The following PRAME variants were observed in gnomAD, a reference collection of about 807,000 sequenced individuals.
PRAME encodes the protein PRAME nuclear receptor transcriptional regulator.
A neutral mutation model predicts 32.1 loss-of-function variants in PRAME; 21 were observed. The observed-to-expected ratio is 0.65, with a 90% CI of 0.46 to 0.94. PRAME has a LOEUF of 0.94. PRAME is among the 40% of genes least tolerant of loss of function. The pLI is 0.00. For synonymous variants in PRAME, 274 were observed against 251.5 expected (o/e 1.09, Z -0.85); for missense variants, 651 against 622.3 (o/e 1.05, Z -0.49).
chr22:22,550,184 G>T lies in PRAME; in HGVS notation c.495C>A (p.Ser165Arg), dbSNP rs1474803255. Reference protein sequence around the residue: ...MTKKRKVDGLSTEAEQPFIPV... With the variant: ...MTKKRKVDGLRTEAEQPFIPV... ...GAATGAAGGGCTGCTCTGCCTCTGT[G>T]CTCAAACCATCTACTTTTCGCTTCT... Residue 165 changes from serine (S) to arginine (R), a missense_variant, in exon 5 of 6, where the codon AGC (serine) becomes AGA (arginine). Physicochemically the swap from Ser to Arg is moderately radical, Grantham distance 110. Coordinates refer to ENST00000405655, the MANE Select transcript of PRAME (RefSeq NM_206956.3). 6.2e-7 allele frequency: 1 copy of T among 1,613,694 alleles called. No homozygotes were observed. Among genetic ancestry groups the T allele is most frequent in the African/African-American group, 1.3e-5 (1 of 74,836 alleles).
intron 3 of PRAME, chr22:22,554,344 G>T (rs114207638): frequency 5.5e-6 from 4 of 733,426 alleles, no homozygotes; most frequent in Non-Finnish European, 6.7e-6. Context: ...GCTGTAATTC[G>T]TTGAAGGATG....
chr22:22,558,666 G>A (rs1382766934), intron 1 of PRAME, among the ~76,000 whole-genome samples: 4 of 142,380 alleles, frequency 2.8e-5, no homozygotes, highest in Admixed American at 7.0e-5. Context: ...TGCGGTGGGC[G>A]AATGGAGAGG....
At position 22,550,784 on chromosome 22, in the gene PRAME, G is replaced by A; in HGVS notation, c.327C>T (p.Ala109=). ...AVLDGLDVLL[A]QEVRPRRWKL... is the part of the protein sequence containing the mutation. ...ACCCTTACCTGGGGCGAACCTCCTG[G>A]GCAAGGAGCACATCAAGTCCATCAA... Residue 109 remains alanine, a synonymous_variant, in exon 4 of 6, where the codon GCC becomes GCT. Coordinates refer to ENST00000405655, the MANE Select transcript of PRAME (RefSeq NM_206956.3). 6.3e-7 allele frequency: 1 copy of A among 1,589,416 alleles called. No individual in the cohort carries two copies.
chr22:22,556,538 C>A (rs1028392213), intron 3 of PRAME, among the ~76,000 whole-genome samples: 7 of 151,812 alleles, frequency 4.6e-5, no homozygotes, highest in African/African-American at 9.7e-5. Flanking sequence ...GTCTCAATCT[C>A]CTGACCTGGT....
chr22:22,551,112 A>G lies in PRAME; in HGVS notation c.22-23T>C, dbSNP rs1261282406. Reference sequence around the variant, plus strand: ...ACCCTGAGGAAACATACAGGGAACAAGGCATCCCTTTCAGCCCAAGCATAA... The same window carrying G: ...ACCCTGAGGAAACATACAGGGAACAGGGCATCCCTTTCAGCCCAAGCATAA... On this transcript the variant is annotated intron_variant, in intron 3 of 5. Coordinates refer to ENST00000405655, the MANE Select transcript of PRAME (RefSeq NM_206956.3). The G allele has an allele frequency of 2.0e-6, 3 of 1,534,268 alleles. No homozygotes were observed. In the East Asian group the frequency reaches 6.9e-5, roughly 35 times the overall value.
At chr22:22,554,737 A>G (rs973205649) in intron 3 of PRAME, among the ~76,000 whole-genome samples, 1 of 151,918 alleles carries the variant, frequency 6.6e-6, no homozygotes, top group Non-Finnish European at 1.5e-5. Context: ...GTTTAGAAAG[A>G]GTTTCATTTC....
intron 3 of PRAME, 41 bp from the exon 4 acceptor site, chr22:22,551,130 A>G (rs374636128): frequency 3.1e-5 from 46 of 1,498,878 alleles, no homozygotes; most frequent in Non-Finnish European, 3.1e-5. Context: ...CTTTCAGCCC[A>G]AGCATAAGCA....
chr22:22,552,793 G>A (rs900935203), intron 3 of PRAME: 5 of 470,130 alleles, frequency 1.1e-5, no homozygotes, highest in African/African-American at 1.0e-4. Flanking sequence ...GCCATAGCCT[G>A]AGGCTCCCGA....
intron 2 of PRAME, chr22:22,557,158 G>C (rs2062979581): frequency 4.6e-6 from 2 of 435,342 alleles, no homozygotes; most frequent in South Asian, 5.1e-5. Context: ...CAAGGACCCT[G>C]ACTACGGTCT....
At chr22:22,554,324 G>C in intron 3 of PRAME, 1 of 823,198 alleles carries the variant, frequency 1.2e-6, no homozygotes, top group Non-Finnish European at 1.5e-6. Flanking sequence ...ACTGTGGCCT[G>C]CGTAAGGAGG....
chr22:22,554,036 CAATT>C (rs2062757391), intron 3 of PRAME: 1 of 985,172 alleles, frequency 1.0e-6, no homozygotes, highest in Middle Eastern at 5.2e-4. Context: ...TCAGGCCTAT[CAATT>C]AGACTCAGTT....
Position 22,549,848 on chromosome 22 carries a change from G to A in PRAME, c.831C>T (p.Ser277=). Residue 277 remains serine, a synonymous_variant, in exon 5 of 6, where the codon TCC becomes TCT. Transcript: ENST00000405655. ...LSHIHASSYI[S]PEKEEQYIAQ... Reference sequence around the variant, plus strand: ...CGATATACTGCTCTTCCTTCTCCGGGGAAATGTAGGAAGATGCATGGATGT... The same window carrying A: ...CGATATACTGCTCTTCCTTCTCCGGAGAAATGTAGGAAGATGCATGGATGT... 1 of 1,613,804 alleles carries A rather than the reference G, an allele frequency of 6.2e-7. No homozygotes were observed.
In PRAME at chr22:22,548,791, C is replaced by G. The variant is rs932953263; in HGVS notation, c.954-148G>C. 9 of 732,982 alleles carry G rather than the reference C, an allele frequency of 1.2e-5. 1 individual carries two copies. The Admixed American group carries it at 1.7e-4, about 14-fold the overall frequency. The allele number at this position is 732,982 out of a possible 1,614,324, so 45.4% of individuals were successfully genotyped here. ...GCTGTAACGGAGCATTCAAGGAGTA[C>G]AAGTTCAGGTTTAGTCCTTTCTCCA... On this transcript the variant is annotated intron_variant, in intron 5 of 5. Coordinates refer to ENST00000405655, the MANE Select transcript of PRAME (RefSeq NM_206956.3).
In PRAME at chr22:22,550,766, C is replaced by T; in HGVS notation, c.344+1G>A. On this transcript the variant is annotated splice_donor_variant, in intron 4 of 5. Transcript: ENST00000405655. LOFTEE classifies it high-confidence loss of function. ...ACACCAAGCTGCTAGGTCACCCTTA[C>T]CTGGGGCGAACCTCCTGGGCAAGGA... The T allele has an allele frequency of 6.4e-7, 1 of 1,574,622 alleles. No homozygotes were observed. The highest frequency in any genetic ancestry group is 1.2e-5 in the South Asian group (1 of 84,260).
At chr22:22,553,437 T>C (rs552836486) in intron 3 of PRAME, among the ~76,000 whole-genome samples, 1 of 151,890 alleles carries the variant, frequency 6.6e-6, no homozygotes, top group African/African-American at 2.4e-5. Flanking sequence ...CAAAGACAGA[T>C]AGGTTTTTTT....
At chr22:22,556,008 TTGGA>T (rs1286730460) in intron 3 of PRAME, 2 of 404,348 alleles carry the variant, frequency 4.9e-6, no homozygotes, top group Non-Finnish European at 1.1e-5. Flanking sequence ...TTTTTTTTTT[TTGGA>T]GGAGGAGTTT....
At chr22:22,556,968 C>T (rs958425778) in intron 2 of PRAME, 59 bp from the exon 3 acceptor site, 32 of 1,140,408 alleles carry the variant, frequency 2.8e-5, no homozygotes, top group Non-Finnish European at 3.4e-5. Context: ...ATTTACGAAG[C>T]AACGGCCTCC....
intron 4 of PRAME, 72 bp from the exon 5 acceptor site, chr22:22,550,406 TA>T: frequency 1.3e-6 from 2 of 1,534,328 alleles, no homozygotes; most frequent in Non-Finnish European, 1.8e-6. Flanking sequence ...ATGAGTCTCA[TA>T]ATGTAGGTAA....
chr22:22,549,300 G>T (rs779007824), intron 5 of PRAME, among the ~76,000 whole-genome samples: 7 of 151,908 alleles, frequency 4.6e-5, no homozygotes, highest in Non-Finnish European at 1.0e-4. Context: ...GGAAATTTGA[G>T]GCAGGTTTAG....
Sources: allele counts gnomAD v4.1 joint callset (sites outside exome capture counted in the v4.1 genomes callset), GRCh38; gene constraint gnomAD v4.1.1; transcripts MANE v1.5; gene names NCBI Gene and HGNC (gene_info 2026-07-23, HGNC 2026-07-21).